The following UGT2A2 variants were observed in gnomAD, a reference collection of about 807,000 sequenced individuals.
UGT2A2 encodes the protein UDP-glucuronosyltransferase 2A2.
Under a neutral mutation model 50.7 loss-of-function variants are expected in UGT2A2, and 60 were observed. The ratio of observed to expected loss-of-function variants is 1.18; its 90% CI spans 0.96 to 1.47. UGT2A2 has a LOEUF of 1.47. Ranked by LOEUF, UGT2A2 falls within the 40% of genes most tolerant of loss-of-function variation. UGT2A2 has a pLI of 0.00. For missense variants in UGT2A2, 762 were observed against 634.0 expected, an observed-to-expected ratio of 1.20 and a Z score of -2.17; for synonymous variants, 242 against 214.6, an observed-to-expected ratio of 1.13 and a Z score of -1.11.
intron 1 of UGT2A2, among the ~76,000 whole-genome samples, chr4:69,629,902 T>C (rs1365885891): frequency 1.3e-5 from 2 of 152,146 alleles, no homozygotes; most frequent in African/African-American, 4.8e-5. Flanking sequence ...TAAGAAGTTA[T>C]GAATATTTTG....
At chr4:69,636,849 A>T (rs979539723) in intron 1 of UGT2A2, among the ~76,000 whole-genome samples, 8 of 152,154 alleles carry the variant, frequency 5.3e-5, no homozygotes, top group African/African-American at 1.9e-4. Context: ...TTTTAACCCT[A>T]TTTTAAAGAA....
rs778399316 is a variant in UGT2A2 at position 69,639,612 on chromosome 4, G to C, written c.29C>G (p.Pro10Arg). 1 of 1,598,846 alleles carries C rather than the reference G, an allele frequency of 6.3e-7. No homozygotes were observed. Among genetic ancestry groups the C allele is most frequent in the Non-Finnish European group, 8.5e-7 (1 of 1,174,434 alleles). The change falls in exon 1 of 6, where the codon CCT becomes CGT. Residue 10 changes from proline (P) to arginine (R), a missense_variant. Pro to Arg is a moderately radical substitution (Grantham distance 103). Coordinates refer to ENST00000604629, the MANE Select transcript of UGT2A2 (RefSeq NM_001105677.2). Reference protein sequence around the residue: MVSIRDFTMPKKFVQMLVFN... With the variant: MVSIRDFTMRKKFVQMLVFN... ...AACCAGCATCTGGACAAACTTCTTAGGCATGGTAAAATCCCTTATGGAAAC... is the reference window on the plus strand; with the variant it reads ...AACCAGCATCTGGACAAACTTCTTACGCATGGTAAAATCCCTTATGGAAAC...
intron 5 of UGT2A2, among the ~76,000 whole-genome samples, chr4:69,590,638 AGTGTGTGT>A (rs4148321): frequency 6.7e-6 from 1 of 150,206 alleles, no homozygotes; most frequent in African/African-American, 2.5e-5. Flanking sequence ...ACATGTGTTG[AGTGTGTGT>A]GTGTGTGTGT....
chr4:69,606,874 G>A (rs34810925), intron 1 of UGT2A2, among the ~76,000 whole-genome samples: 24,512 of 134,932 alleles, frequency 0.18, 5,829 homozygotes, highest in Non-Finnish European at 0.22. Context: ...AGGGACGTAA[G>A]GACCTCTTCA....
At chr4:69,625,347 G>A (rs1417408201) in intron 1 of UGT2A2, among the ~76,000 whole-genome samples, 1 of 150,652 alleles carries the variant, frequency 6.6e-6, no homozygotes, top group Non-Finnish European at 1.5e-5. Context: ...TGAAAAATTT[G>A]GGGCCATTAT....
At chr4:69,590,094 T>C (rs376677192) in intron 5 of UGT2A2, among the ~76,000 whole-genome samples, 3 of 152,320 alleles carry the variant, frequency 2.0e-5, no homozygotes, top group East Asian at 3.9e-4. Flanking sequence ...TCAGCATTAG[T>C]GAGTCATTTT....
intron 1 of UGT2A2, among the ~76,000 whole-genome samples, chr4:69,637,257 CAA>C (rs1721763806): frequency 1.3e-5 from 2 of 152,016 alleles, no homozygotes; most frequent in Non-Finnish European, 1.5e-5. Flanking sequence ...AAAATAAACT[CAA>C]ATTTTATTTA....
chr4:69,590,784 T>C (rs1356114867), intron 5 of UGT2A2, among the ~76,000 whole-genome samples: 5 of 152,180 alleles, frequency 3.3e-5, no homozygotes, highest in Non-Finnish European at 7.4e-5. Context: ...GAAGAAAGCA[T>C]GTTTTCCTAT....
At chr4:69,625,357 T>C (rs1720994969) in intron 1 of UGT2A2, among the ~76,000 whole-genome samples, 3 of 151,176 alleles carry the variant, frequency 2.0e-5, no homozygotes, top group Admixed American at 2.0e-4. Context: ...GGGGCCATTA[T>C]TTATTTTAAT....
chr4:69,597,632 T>C (rs189010004), intron 2 of UGT2A2, among the ~76,000 whole-genome samples: 196 of 152,302 alleles, frequency 1.3e-3, no homozygotes, highest in Non-Finnish European at 2.1e-3. Context: ...TTAGTTAATG[T>C]CAGGAGAATA....
chr4:69,625,102 C>T (rs1020696908), intron 1 of UGT2A2, among the ~76,000 whole-genome samples: 2 of 150,780 alleles, frequency 1.3e-5, no homozygotes, highest in African/African-American at 4.8e-5. Context: ...TATTTTAGTA[C>T]TTTTTAGGTG....
At chr4:69,634,138 C>A (rs943531023) in intron 1 of UGT2A2, among the ~76,000 whole-genome samples, 1 of 151,598 alleles carries the variant, frequency 6.6e-6, no homozygotes, top group Admixed American at 6.6e-5. Context: ...CCAGCTACTC[C>A]GGAGGCTGAG....
rs1395087800 is a variant in UGT2A2, at chr4:69,594,601, A to G, written c.1207T>C (p.Phe403Leu). The change falls in exon 5 of 6, where the codon TTT (phenylalanine) becomes CTT (leucine). Residue 403 changes from phenylalanine to leucine, a missense_variant. Physicochemically the swap from Phe to Leu is conservative, Grantham distance 22 (BLOSUM62 0). Coordinates refer to ENST00000604629, the MANE Select transcript of UGT2A2 (RefSeq NM_001105677.2). Reference sequence around the variant, plus strand: ...GCAATGTTATCAGGCTGATCAGCAAACATGGGAACTCCCACCATAGGGACT... The same window carrying G: ...GCAATGTTATCAGGCTGATCAGCAAGCATGGGAACTCCCACCATAGGGACT... ...HGVPMVGVPM[F>L]ADQPDNIAHM... 6.2e-7 allele frequency: 1 copy of G among 1,614,152 alleles called. No homozygotes were observed. Among genetic ancestry groups the G allele is most frequent in the South Asian group, 1.1e-5 (1 of 91,082 alleles).
intron 1 of UGT2A2, chr4:69,599,655 G>T: frequency 6.0e-6 from 2 of 330,756 alleles, no homozygotes; most frequent in Non-Finnish European, 1.1e-5. Context: ...GGAAAGCAAG[G>T]AAAAGTGAGA....
chr4:69,598,971 G>C (rs1719093641), intron 2 of UGT2A2, among the ~76,000 whole-genome samples: 1 of 152,020 alleles, frequency 6.6e-6, no homozygotes, highest in Admixed American at 6.6e-5. Flanking sequence ...CTATGATCTG[G>C]TTTTCTGTCC....
chr4:69,638,032 G>GA (rs1481120068), intron 1 of UGT2A2, among the ~76,000 whole-genome samples: 2 of 150,240 alleles, frequency 1.3e-5, no homozygotes, highest in South Asian at 2.2e-4. Flanking sequence ...AAGAAGGAAG[G>GA]AAAAAAAGGA....
chr4:69,599,755 G>A (rs1577951510), intron 1 of UGT2A2: 3 of 167,644 alleles, frequency 1.8e-5, no homozygotes, highest in Admixed American at 1.3e-4. Flanking sequence ...AAGAGAGGGA[G>A]TAGAGTGGGG....
intron 1 of UGT2A2, among the ~76,000 whole-genome samples, chr4:69,600,134 C>T (rs561355263): frequency 1.3e-5 from 2 of 152,144 alleles, no homozygotes; most frequent in Non-Finnish European, 1.5e-5. Flanking sequence ...CATGAGTCCC[C>T]AGAGTGTGAG....
At chr4:69,590,638 A>AGTGTGTGTGT (rs4148321) in intron 5 of UGT2A2, among the ~76,000 whole-genome samples, 1 of 150,206 alleles carries the variant, frequency 6.7e-6, no homozygotes, top group East Asian at 2.0e-4. Flanking sequence ...ACATGTGTTG[A>AGTGTGTGTGT]GTGTGTGTGT....
Sources: allele counts gnomAD v4.1 joint callset (sites outside exome capture counted in the v4.1 genomes callset), GRCh38; gene constraint gnomAD v4.1.1; transcripts MANE v1.5; gene names NCBI Gene and HGNC (gene_info 2026-07-23, HGNC 2026-07-21).